Variants in NALF1 observed in about 807,000 individuals in gnomAD.
The protein encoded by NALF1 is NALCN channel auxiliary factor 1.
Under a neutral mutation model 48.4 loss-of-function variants are expected in NALF1, and 3 were observed. The observed-to-expected ratio is 0.06, with a 90% CI of 0.03 to 0.16. The LOEUF (loss-of-function observed/expected upper bound fraction) is 0.16. Ranked by LOEUF, NALF1 falls within the 10% of genes least tolerant of loss-of-function variation. The probability of loss-of-function intolerance (pLI) is 1.00; values close to 1 mark genes in which losing one functional copy is unlikely to be tolerated. For missense variants in NALF1, 526 were observed against 571.5 expected (o/e 0.92, Z 0.81); for synonymous variants, 262 against 245.7 (o/e 1.07, Z -0.62).
chr13:107,269,412 A>T (rs546505687), intron 1 of NALF1, among the ~76,000 whole-genome samples: 10 of 152,114 alleles, frequency 6.6e-5, no homozygotes, highest in Non-Finnish European at 1.5e-4. Context: ...ATAACCAGAA[A>T]CACCTGAAAA....
At chr13:107,820,882 T>C (rs147610715) in intron 1 of NALF1, among the ~76,000 whole-genome samples, 27 of 152,310 alleles carry the variant, frequency 1.8e-4, no homozygotes, top group Admixed American at 3.3e-4. Context: ...CCCTGCCATG[T>C]ATTTATTCCA....
chr13:107,375,022 T>A (rs181589387), intron 1 of NALF1, among the ~76,000 whole-genome samples: 1 of 152,196 alleles, frequency 6.6e-6, no homozygotes, highest in African/African-American at 2.4e-5. Flanking sequence ...AACCTTAATA[T>A]AGCTTCTAAC....
intron 1 of NALF1, among the ~76,000 whole-genome samples, chr13:107,218,786 G>T (rs1442317289): frequency 2.1e-5 from 3 of 145,084 alleles, no homozygotes; most frequent in Non-Finnish European, 3.0e-5. Flanking sequence ...GAATGGTGTG[G>T]TTTATTGTTC....
At chr13:107,227,092 C>G (rs1162177443) in intron 1 of NALF1, among the ~76,000 whole-genome samples, 1 of 152,220 alleles carries the variant, frequency 6.6e-6, no homozygotes, top group Non-Finnish European at 1.5e-5. Context: ...GGCACACCAT[C>G]AGAATAGCAC....
chr13:107,187,867 T>C (rs967336262), intron 2 of NALF1, among the ~76,000 whole-genome samples: 2 of 152,204 alleles, frequency 1.3e-5, no homozygotes, highest in African/African-American at 4.8e-5. Flanking sequence ...TTTTATTTTT[T>C]AAAGTATCAA....
intron 1 of NALF1, among the ~76,000 whole-genome samples, chr13:107,282,419 G>A (rs1267059863): frequency 6.6e-6 from 1 of 152,210 alleles, no homozygotes; most frequent in Non-Finnish European, 1.5e-5. Flanking sequence ...GAATAGGAGA[G>A]GGAGAATTGG....
intron 1 of NALF1, among the ~76,000 whole-genome samples, chr13:107,599,609 A>G (rs1403407381): frequency 6.6e-6 from 1 of 151,956 alleles, no homozygotes; most frequent in Non-Finnish European, 1.5e-5. Context: ...AATGAGCATA[A>G]ACTAACATTT....
chr13:107,802,831 C>T (rs1237025796), intron 1 of NALF1, among the ~76,000 whole-genome samples: 4 of 152,106 alleles, frequency 2.6e-5, no homozygotes, highest in African/African-American at 9.7e-5. Context: ...CCCATTACTA[C>T]ATTTTATTAG....
At chr13:107,174,891 CT>C (rs1025971670) in intron 2 of NALF1, among the ~76,000 whole-genome samples, 12 of 143,308 alleles carry the variant, frequency 8.4e-5, no homozygotes, top group South Asian at 2.2e-4. Flanking sequence ...TTTTCTTTTT[CT>C]TTTTTTTTTG....
intron 1 of NALF1, among the ~76,000 whole-genome samples, chr13:107,282,466 C>T (rs1438000553): frequency 6.6e-6 from 1 of 152,140 alleles, no homozygotes; most frequent in Non-Finnish European, 1.5e-5. Context: ...GCATGGTAGC[C>T]AGCCCCCAAG....
In NALF1 at chr13:107,538,990, C is replaced by A. The variant is rs4101918; in HGVS notation, c.915+326692G>T. On this transcript the variant is annotated intron_variant, in intron 1 of 2. Transcript: ENST00000375915. ...ATTCATTCATTTTGCTCTCAAATAT[C>A]TATTTAGTATTTATCTCACTCAAGA... Among the ~76,000 whole-genome samples, 4,214 of 149,770 alleles carry A rather than the reference C, an allele frequency of 0.028. 391 individuals are homozygous for A. In the East Asian group the frequency reaches 0.35, roughly 12 times the overall value.
chr13:107,456,130 GT>G (rs969922370), intron 1 of NALF1, among the ~76,000 whole-genome samples: 1 of 152,072 alleles, frequency 6.6e-6, no homozygotes, highest in Non-Finnish European at 1.5e-5. Context: ...GGATAGAGGA[GT>G]TTTTTTCAAT....
chr13:107,629,436 T>C (rs1280918490), intron 1 of NALF1, among the ~76,000 whole-genome samples: 1 of 152,202 alleles, frequency 6.6e-6, no homozygotes, highest in African/African-American at 2.4e-5. Context: ...TTTTTGGCAA[T>C]TTTCTAATTC....
intron 1 of NALF1, among the ~76,000 whole-genome samples, chr13:107,636,798 G>A (rs992725421): frequency 1.8e-4 from 27 of 150,512 alleles, no homozygotes; most frequent in Non-Finnish European, 2.5e-4. Flanking sequence ...ACCTTTTCTC[G>A]CACTTAAAAG....
chr13:107,366,990 G>A (rs1883162641), intron 1 of NALF1, among the ~76,000 whole-genome samples: 1 of 152,126 alleles, frequency 6.6e-6, no homozygotes, highest in African/African-American at 2.4e-5. Flanking sequence ...AATGCCTCTG[G>A]ATACAGCTAA....
At chr13:107,719,254 T>A (rs1875915731) in intron 1 of NALF1, among the ~76,000 whole-genome samples, 1 of 152,194 alleles carries the variant, frequency 6.6e-6, no homozygotes, top group Non-Finnish European at 1.5e-5. Flanking sequence ...TAGCAAGGTT[T>A]CTTGAATTTT....
chr13:107,836,761 AT>A (rs1446688858), intron 1 of NALF1, among the ~76,000 whole-genome samples: 3 of 152,188 alleles, frequency 2.0e-5, no homozygotes, highest in Non-Finnish European at 4.4e-5. Flanking sequence ...AGTCTCTCTA[AT>A]TTGTTGCTGA....
At chr13:107,707,742 A>T (rs1258573343) in intron 1 of NALF1, among the ~76,000 whole-genome samples, 1 of 152,218 alleles carries the variant, frequency 6.6e-6, no homozygotes. Flanking sequence ...ATGCTGGGTT[A>T]GCTAGCTTTC....
intron 1 of NALF1, among the ~76,000 whole-genome samples, chr13:107,413,371 AC>A (rs1884025297): frequency 6.6e-6 from 1 of 152,194 alleles, no homozygotes; most frequent in Non-Finnish European, 1.5e-5. Context: ...TACAAGAAAA[AC>A]AATCTACATT....
Sources: allele counts gnomAD v4.1 joint callset (sites outside exome capture counted in the v4.1 genomes callset), GRCh38; gene constraint gnomAD v4.1.1; transcripts MANE v1.5; gene names NCBI Gene and HGNC (gene_info 2026-07-23, HGNC 2026-07-21).